The following SEC14L5 variants were observed in gnomAD, a reference collection of about 807,000 sequenced individuals.
SEC14L5 encodes the protein SEC14 like lipid binding 5, also known as SEC14-like protein 5.
Under a neutral mutation model 84.6 loss-of-function variants are expected in SEC14L5, and 96 were observed. That is an observed-to-expected ratio of 1.13 (90% confidence interval 0.96 to 1.34). SEC14L5 has a LOEUF of 1.34. SEC14L5 is among the 40% of genes most tolerant of loss of function. The pLI is 0.00. For synonymous variants in SEC14L5, 546 were observed against 383.4 expected, an observed-to-expected ratio of 1.42 and a Z score of -4.95; for missense variants, 1,224 against 942.5, an observed-to-expected ratio of 1.30 and a Z score of -3.91.
chr16:4,987,509 TCCCTCTGC>T (rs1323250074), intron 2 of SEC14L5, 40 bp from the exon 3 acceptor site: 1 of 1,051,592 alleles, frequency 9.5e-7, no homozygotes, highest in Non-Finnish European at 1.2e-6. Flanking sequence ...GGGGGGGGGG[TCCCTCTGC>T]CCCCCCCACC....
chr16:4,969,196 G>A (rs914304148), intron 2 of SEC14L5, among the ~76,000 whole-genome samples: 11 of 152,344 alleles, frequency 7.2e-5, no homozygotes, highest in African/African-American at 2.6e-4. Context: ...TCTGATTTCC[G>A]AGGGCCCTGA....
chr16:4,975,472 CAAAAAA>C, intron 2 of SEC14L5, among the ~76,000 whole-genome samples: 1 of 77,344 alleles, frequency 1.3e-5, no homozygotes, highest in East Asian at 4.3e-4. Context: ...AACTCCATCT[CAAAAAA>C]AAAAAAAAAA....
chr16:4,978,631 C>G (rs192679620), intron 2 of SEC14L5, among the ~76,000 whole-genome samples: 2 of 151,488 alleles, frequency 1.3e-5, no homozygotes, highest in East Asian at 3.9e-4. Context: ...GAGATGGAGT[C>G]TCGCTCTGTC....
chr16:4,997,532 G>A (rs1461785423), intron 8 of SEC14L5, among the ~76,000 whole-genome samples: 2 of 152,234 alleles, frequency 1.3e-5, no homozygotes, highest in African/African-American at 4.8e-5. Context: ...TTTGGGGCTT[G>A]AGGAGGAGAC....
chr16:4,990,148 A>G (rs1324940495), intron 4 of SEC14L5, among the ~76,000 whole-genome samples: 1 of 150,252 alleles, frequency 6.7e-6, no homozygotes, highest in African/African-American at 2.4e-5. Flanking sequence ...TGATACACTG[A>G]ACAATTGTAT....
intron 2 of SEC14L5, among the ~76,000 whole-genome samples, chr16:4,983,865 A>C (rs1315571182): frequency 4.1e-5 from 6 of 146,966 alleles, no homozygotes. Context: ...TGACAAGAAC[A>C]AAACTCTGTC....
chr16:5,000,798 A>G (rs2142518797), intron 9 of SEC14L5, 55 bp downstream of exon 9: 3 of 1,565,946 alleles, frequency 1.9e-6, no homozygotes, highest in Admixed American at 1.9e-5. Context: ...CCTGGGAAGG[A>G]CTGTGTGGGG....
chr16:4,964,535 G>A (rs1481956393), intron 2 of SEC14L5, among the ~76,000 whole-genome samples: 1 of 151,994 alleles, frequency 6.6e-6, no homozygotes, highest in African/African-American at 2.4e-5. Flanking sequence ...AGGGAGCCGA[G>A]TTCGCTCCAT....
Position 4,990,777 on chromosome 16 carries a change from AGAATGAAGACTG to A in SEC14L5, c.359_370del (p.Asn120_Trp123del). The A allele has an allele frequency of 3.7e-6, 6 of 1,608,464 alleles. No individual in the cohort carries two copies. The highest frequency in any genetic ancestry group is 5.1e-6 in the Non-Finnish European group (6 of 1,177,292). The stretch of plus-strand genomic sequence containing the variant: ...CTGCCTGGCTTTCAGGTCCACCCTG[AGAATGAAGACTG>A]GACTTGCTTCGAGCAGTCTGCCTCA... On this transcript the variant is annotated inframe_deletion, in exon 5 of 16. Transcript: ENST00000251170.
intron 8 of SEC14L5, among the ~76,000 whole-genome samples, chr16:4,998,737 CAAAAAAAAAAAAAAAA>C (rs60494025): frequency 9.8e-4 from 92 of 94,030 alleles, no homozygotes; most frequent in South Asian, 9.7e-4. Context: ...GACTCCGTCT[CAAAAAAAAAAAAAAAA>C]AAAAAAAAAA....
intron 2 of SEC14L5, among the ~76,000 whole-genome samples, chr16:4,987,258 A>G (rs1448462343): frequency 6.8e-6 from 1 of 147,314 alleles, no homozygotes; most frequent in East Asian, 2.0e-4. Context: ...GCTTTTCCTG[A>G]GAAATACCTT....
At chr16:5,002,253 A>G (rs1440864139) in intron 10 of SEC14L5, among the ~76,000 whole-genome samples, 1 of 151,246 alleles carries the variant, frequency 6.6e-6, no homozygotes, top group Non-Finnish European at 1.5e-5. Flanking sequence ...TCAGCCCCAA[A>G]TATCCCGATC....
intron 2 of SEC14L5, among the ~76,000 whole-genome samples, chr16:4,977,847 C>CTGGA (rs1349265575): frequency 6.6e-6 from 1 of 151,638 alleles, no homozygotes; most frequent in East Asian, 2.0e-4. Context: ...GTCGCTCAGG[C>CTGGA]TGGAGTACAG....
rs964241050 is a variant in SEC14L5, at chr16:5,016,460, A to G, written c.*1490A>G. 2.6e-5 allele frequency: 4 copies of G among 152,194 alleles called. No homozygotes were observed. Among genetic ancestry groups the G allele is most frequent in the South Asian group, 2.1e-4 (1 of 4,824 alleles). The allele number at this position is 152,194 out of a possible 1,614,324, so 9.4% of individuals were successfully genotyped here. A position where few individuals can be genotyped will look rare whatever the true frequency, so the allele number is the denominator to read the frequency against. Reference sequence around the variant, plus strand: ...GGAGCACCAGCAGAATGGGGTCACTATTGTTGCATGAAGACAACACCTCTG... The same window carrying G: ...GGAGCACCAGCAGAATGGGGTCACTGTTGTTGCATGAAGACAACACCTCTG... On this transcript the variant is annotated 3_prime_UTR_variant, in exon 16 of 16. Transcript: ENST00000251170.
rs1955859869 is a variant in SEC14L5, at chr16:5,015,129, G to A, written c.*159G>A. 1 of 613,288 alleles carries A rather than the reference G, an allele frequency of 1.6e-6. No individual in the cohort carries two copies. Among genetic ancestry groups the A allele is most frequent in the Non-Finnish European group, 2.9e-6 (1 of 348,842 alleles). The allele number at this position is 613,288 out of a possible 1,614,324, so 38.0% of individuals were successfully genotyped here. ...GTCTGGAGCGGATGGCAAGGATCCA[G>A]AACTGGCCTGTGGGTGGTGTCAGGG... On this transcript the variant is annotated 3_prime_UTR_variant, in exon 16 of 16. Coordinates refer to ENST00000251170, the MANE Select transcript of SEC14L5 (RefSeq NM_014692.2).
chr16:5,009,976 A>C (rs1955780022), intron 14 of SEC14L5, among the ~76,000 whole-genome samples: 1 of 151,708 alleles, frequency 6.6e-6, no homozygotes, highest in South Asian at 2.1e-4. Context: ...ATAGAAGGGG[A>C]GGTGCTAAGG....
At position 4,958,332 on chromosome 16, in the gene SEC14L5, C is replaced by G. The variant is rs575996650; in HGVS notation, c.-165C>G. 4.8e-4 allele frequency: 73 copies of G among 152,648 alleles called. No homozygotes were observed. The highest frequency in any genetic ancestry group is 1.7e-3 in the African/African-American group (70 of 41,586). The allele number at this position is 152,648 out of a possible 1,614,324, so 9.5% of individuals were successfully genotyped here. ...CCGCTGTCCCGGGTCCTGGAGCTCT[C>G]TCGGCCCGGCAGGTTTCGCTCCCGC... On this transcript the variant is annotated 5_prime_UTR_variant, in exon 1 of 16. Coordinates refer to ENST00000251170, the MANE Select transcript of SEC14L5 (RefSeq NM_014692.2).
At chr16:4,978,929 T>G (rs1256198961) in intron 2 of SEC14L5, among the ~76,000 whole-genome samples, 2 of 152,096 alleles carry the variant, frequency 1.3e-5, no homozygotes, top group African/African-American at 2.4e-5. Context: ...AGAGATGAGG[T>G]CTCACTATTT....
chr16:5,014,508 C>T (rs1367486847), intron 15 of SEC14L5, among the ~76,000 whole-genome samples: 1 of 152,230 alleles, frequency 6.6e-6, no homozygotes, highest in Non-Finnish European at 1.5e-5. Flanking sequence ...AAGGCCACTG[C>T]AAGAGCTAGG....
Sources: allele counts gnomAD v4.1 joint callset (sites outside exome capture counted in the v4.1 genomes callset), GRCh38; gene constraint gnomAD v4.1.1; transcripts MANE v1.5; gene names NCBI Gene and HGNC (gene_info 2026-07-23, HGNC 2026-07-21).